AGPS: variants seen among roughly 807,000 people sequenced by gnomAD.
AGPS encodes alkyldihydroxyacetonephosphate synthase, peroxisomal.
AGPS carries 26 observed loss-of-function variants against 90.7 expected under a neutral mutation model. The ratio of observed to expected loss-of-function variants is 0.29; its 90% CI spans 0.21 to 0.40. AGPS has a LOEUF of 0.40. AGPS is among the 10% of genes least tolerant of loss of function. AGPS has a pLI of 1.00. For synonymous variants in AGPS, 294 were observed against 285.3 expected, an observed-to-expected ratio of 1.03 and a Z score of -0.31; for missense variants, 540 against 816.1, an observed-to-expected ratio of 0.66 and a Z score of 4.12.
intron 10 of AGPS, among the ~76,000 whole-genome samples, chr2:177,472,703 T>G (rs1378310679): frequency 2.0e-5 from 3 of 152,248 alleles, no homozygotes; most frequent in African/African-American, 7.2e-5. Flanking sequence ...TCTGCTATGC[T>G]ATTTGTTTAT....
rs567974308 is a variant in AGPS at position 177,429,455 on chromosome 2, C to G, written c.351-4872C>G. ...TTCTCATCTTTGTGGGATTATCTAG[C>G]TTCAATTTTTTGAGGTTGCTGACCT... On this transcript the variant is annotated intron_variant, in intron 2 of 19. Transcript: ENST00000264167. Among the ~76,000 whole-genome samples the G allele has an allele frequency of 3.9e-5, 6 of 152,262 alleles. No individual in the cohort carries two copies. In the East Asian group the frequency reaches 1.2e-3, roughly 29 times the overall value.
chr2:177,405,414 CT>C (rs1441754766), intron 1 of AGPS, among the ~76,000 whole-genome samples: 4 of 152,198 alleles, frequency 2.6e-5, no homozygotes, highest in Non-Finnish European at 5.9e-5. Flanking sequence ...TTGATGATTC[CT>C]TCTCTATAAT....
intron 1 of AGPS, among the ~76,000 whole-genome samples, chr2:177,418,367 C>T (rs925816346): frequency 6.6e-6 from 1 of 151,980 alleles, no homozygotes; most frequent in African/African-American, 2.4e-5. Flanking sequence ...ACTTTGGGGC[C>T]ATCTGGGGAT....
At chr2:177,425,556 G>T (rs543502366) in intron 2 of AGPS, among the ~76,000 whole-genome samples, 1 of 150,916 alleles carries the variant, frequency 6.6e-6, no homozygotes, top group East Asian at 1.9e-4. Flanking sequence ...GGGAGGTGGA[G>T]GTTGCGGTGA....
At chr2:177,512,258 GA>G (rs1015206127) in intron 16 of AGPS, among the ~76,000 whole-genome samples, 1 of 151,862 alleles carries the variant, frequency 6.6e-6, no homozygotes, top group Admixed American at 6.6e-5. Flanking sequence ...TGTTTTATGA[GA>G]TTTTTTTTAA....
At chr2:177,454,665 G>C (rs1354298584) in intron 8 of AGPS, among the ~76,000 whole-genome samples, 2 of 151,512 alleles carry the variant, frequency 1.3e-5, no homozygotes, top group South Asian at 2.1e-4. Flanking sequence ...TAGCCATTGT[G>C]AATTTCGATG....
intron 10 of AGPS, among the ~76,000 whole-genome samples, chr2:177,478,665 A>G (rs79580233): frequency 0.11 from 15,905 of 151,456 alleles, 1,166 homozygotes; most frequent in East Asian, 0.35. Flanking sequence ...TTGCTTTTCA[A>G]CTCCAGAATT....
chr2:177,451,910 A>G (rs950804760), intron 8 of AGPS, among the ~76,000 whole-genome samples: 1 of 151,844 alleles, frequency 6.6e-6, no homozygotes, highest in African/African-American at 2.4e-5. Context: ...AATATTTTCT[A>G]CTTCTTTGAT....
At chr2:177,431,469 A>T (rs1686241103) in intron 2 of AGPS, among the ~76,000 whole-genome samples, 2 of 152,202 alleles carry the variant, frequency 1.3e-5, no homozygotes, top group African/African-American at 4.8e-5. Flanking sequence ...CAAATTTACC[A>T]GAGCGGGATC....
chr2:177,477,619 A>G (rs12612957), intron 10 of AGPS, among the ~76,000 whole-genome samples: 132,100 of 152,124 alleles, frequency 0.87, 57,575 homozygotes, highest in East Asian at 0.98. Flanking sequence ...TTGAAAACAC[A>G]TCTGGTCCTA....
At chr2:177,472,327 G>C (rs1320178059) in intron 10 of AGPS, among the ~76,000 whole-genome samples, 2 of 149,650 alleles carry the variant, frequency 1.3e-5, no homozygotes, top group African/African-American at 4.9e-5. Context: ...TTCTCCTTTG[G>C]GTAGTTTATA....
chr2:177,503,104 A>C (rs1466209602), intron 14 of AGPS, among the ~76,000 whole-genome samples: 1 of 151,888 alleles, frequency 6.6e-6, no homozygotes, highest in Non-Finnish European at 1.5e-5. Context: ...GAGCATTTTT[A>C]TGTGTTGTCT....
intron 8 of AGPS, among the ~76,000 whole-genome samples, chr2:177,448,812 C>T (rs1490685462): frequency 3.3e-5 from 5 of 152,156 alleles, no homozygotes; most frequent in Admixed American, 3.3e-4. Context: ...TTTCCTCTTT[C>T]TCCTTTATAA....
chr2:177,495,132 A>G (rs1275535172), intron 12 of AGPS, among the ~76,000 whole-genome samples: 1 of 152,200 alleles, frequency 6.6e-6, no homozygotes, highest in Non-Finnish European at 1.5e-5. Flanking sequence ...TGTATATTGA[A>G]ATAATCCAAA....
chr2:177,473,520 A>G (rs1321615339), intron 10 of AGPS, among the ~76,000 whole-genome samples: 1 of 152,212 alleles, frequency 6.6e-6, no homozygotes, highest in Non-Finnish European at 1.5e-5. Context: ...CTGATGTCAC[A>G]TTGCCATGGA....
intron 2 of AGPS, among the ~76,000 whole-genome samples, chr2:177,430,644 A>G (rs1686215444): frequency 2.0e-5 from 3 of 151,242 alleles, no homozygotes; most frequent in Admixed American, 2.0e-4. Context: ...TCATCACCCC[A>G]CCCTCCTTTT....
chr2:177,404,234 C>T (rs1412963711), intron 1 of AGPS, among the ~76,000 whole-genome samples: 1 of 152,118 alleles, frequency 6.6e-6, no homozygotes, highest in Non-Finnish European at 1.5e-5. Flanking sequence ...AACATGACCA[C>T]AGGGAGCCTA....
intron 10 of AGPS, among the ~76,000 whole-genome samples, chr2:177,470,705 T>C (rs1177718527): frequency 1.8e-5 from 2 of 109,980 alleles, no homozygotes; most frequent in Non-Finnish European, 3.8e-5. Context: ...AGTGAGACTT[T>C]GTCTCAAAAA....
At chr2:177,497,841 ATTG>A (rs1356652276) in intron 13 of AGPS, 76 bp downstream of exon 13, 7 of 726,594 alleles carry the variant, frequency 9.6e-6, no homozygotes, top group Non-Finnish European at 1.6e-5. Context: ...ACATGCACCT[ATTG>A]TAAGGGTGTT....
Sources: allele counts gnomAD v4.1 joint callset (sites outside exome capture counted in the v4.1 genomes callset), GRCh38; gene constraint gnomAD v4.1.1; transcripts MANE v1.5; gene names NCBI Gene and HGNC (gene_info 2026-07-23, HGNC 2026-07-21).